Variants in REDIC1 observed in about 807,000 individuals in gnomAD.
REDIC1 encodes HEI10 Interacting Protein 1.
At chr12:39,821,928 T>C in the REDIC1 span, among the ~76,000 whole-genome samples, 491 of 152,288 alleles carry the variant, frequency 3.2e-3, 1 homozygote, top group African/African-American at 0.011. Context: ...TTAATTTTTT[T>C]ATTATTATAC....
At chr12:39,729,142 TC>T in the REDIC1 span, among the ~76,000 whole-genome samples, 1 of 152,168 alleles carries the variant, frequency 6.6e-6, no homozygotes, top group African/African-American at 2.4e-5. Flanking sequence ...GAAGGGTTTT[TC>T]ATGTCTCTAT....
chr12:39,810,254 A>G, the REDIC1 span, among the ~76,000 whole-genome samples: 1 of 152,170 alleles, frequency 6.6e-6, no homozygotes, highest in African/African-American at 2.4e-5. Flanking sequence ...TGATCCTGTT[A>G]TTTCTTGCTA....
At chr12:39,707,812 T>C in the REDIC1 span, among the ~76,000 whole-genome samples, 1 of 151,962 alleles carries the variant, frequency 6.6e-6, no homozygotes, top group Non-Finnish European at 1.5e-5. Flanking sequence ...TCAACTTGCC[T>C]AACTCCAGAA....
At chr12:39,711,815 G>GTGTACACATGCATGTGTATATGTGTGTA in the REDIC1 span, among the ~76,000 whole-genome samples, 2 of 87,550 alleles carry the variant, frequency 2.3e-5, no homozygotes, top group African/African-American at 7.4e-5. Flanking sequence ...GTGTATGTGT[G>GTGTACACATGCATGTGTATATGTGTGTA]TACACATGCA....
chr12:39,877,507 C>T, the REDIC1 span, among the ~76,000 whole-genome samples: 7 of 152,162 alleles, frequency 4.6e-5, no homozygotes, highest in Non-Finnish European at 4.4e-5. Context: ...CAAACCGTAT[C>T]AATAACTATC....
At chr12:39,827,923 C>G in the REDIC1 span, among the ~76,000 whole-genome samples, 2 of 152,022 alleles carry the variant, frequency 1.3e-5, no homozygotes, top group African/African-American at 2.4e-5. Flanking sequence ...GGATATATGG[C>G]TATGGATTGC....
the REDIC1 span, among the ~76,000 whole-genome samples, chr12:39,751,155 T>C: frequency 6.6e-6 from 1 of 152,188 alleles, no homozygotes; most frequent in African/African-American, 2.4e-5. Context: ...ATTTTTGCAA[T>C]CTACTCATCT....
chr12:39,864,375 G>A, the REDIC1 span, among the ~76,000 whole-genome samples: 1 of 152,202 alleles, frequency 6.6e-6, no homozygotes, highest in Non-Finnish European at 1.5e-5. Flanking sequence ...CAGAGGGCAT[G>A]TGCATCTTGT....
chr12:39,714,270 TA>T, the REDIC1 span, among the ~76,000 whole-genome samples: 2 of 118,054 alleles, frequency 1.7e-5, no homozygotes, highest in Non-Finnish European at 3.9e-5. Flanking sequence ...TGCATATATG[TA>T]TATATGTATA....
At chr12:39,714,069 A>ATATATATG in the REDIC1 span, among the ~76,000 whole-genome samples, 1 of 149,252 alleles carries the variant, frequency 6.7e-6, no homozygotes, top group Non-Finnish European at 1.5e-5. Flanking sequence ...GTATGTGTAT[A>ATATATATG]TACGTGTATA....
chr12:39,739,251 G>A, the REDIC1 span, among the ~76,000 whole-genome samples: 1 of 152,078 alleles, frequency 6.6e-6, no homozygotes, highest in Admixed American at 6.6e-5. Flanking sequence ...TACTTATAGA[G>A]GACCTACCAT....
At chr12:39,860,693 C>T in the REDIC1 span, among the ~76,000 whole-genome samples, 1 of 152,300 alleles carries the variant, frequency 6.6e-6, no homozygotes, top group South Asian at 2.1e-4. Flanking sequence ...ACTCCTTCCT[C>T]CTATGGCCAC....
At chr12:39,864,572 T>C in the REDIC1 span, among the ~76,000 whole-genome samples, 1 of 152,122 alleles carries the variant, frequency 6.6e-6, no homozygotes, top group Non-Finnish European at 1.5e-5. Flanking sequence ...TTCCTTACAC[T>C]CACACATCTG....
the REDIC1 span, among the ~76,000 whole-genome samples, chr12:39,697,946 A>G: frequency 6.6e-6 from 1 of 152,180 alleles, no homozygotes; most frequent in Admixed American, 6.5e-5. Flanking sequence ...AAGCTCTCCA[A>G]TCAAAAGATA....
the REDIC1 span, among the ~76,000 whole-genome samples, chr12:39,644,945 G>T: frequency 6.6e-6 from 1 of 151,854 alleles, no homozygotes; most frequent in African/African-American, 2.4e-5. Context: ...TTCTTGCCAG[G>T]TTTGATGAAA....
At chr12:39,680,124 T>G in the REDIC1 span, among the ~76,000 whole-genome samples, 1 of 151,818 alleles carries the variant, frequency 6.6e-6, no homozygotes, top group Non-Finnish European at 1.5e-5. Context: ...AAAACAAAAA[T>G]AAACAAATGG....
the REDIC1 span, among the ~76,000 whole-genome samples, chr12:39,838,269 C>T: frequency 2.7e-5 from 4 of 147,778 alleles, no homozygotes; most frequent in African/African-American, 1.0e-4. Flanking sequence ...CATATTCTCA[C>T]TCGTAGGTGG....
chr12:39,813,053 C>T, the REDIC1 span, among the ~76,000 whole-genome samples: 27 of 105,852 alleles, frequency 2.6e-4, no homozygotes, highest in South Asian at 9.9e-3. Flanking sequence ...CCATGTTGGC[C>T]ACGCTGGTCT....
chr12:39,755,322 A>AT, the REDIC1 span: 1 of 152,236 alleles, frequency 6.6e-6, no homozygotes, highest in Middle Eastern at 3.4e-3. Context: ...CTGAAGTATT[A>AT]AATACTATAT....
Sources: allele counts gnomAD v4.1 joint callset (sites outside exome capture counted in the v4.1 genomes callset), GRCh38; gene constraint gnomAD v4.1.1; transcripts MANE v1.5; gene names NCBI Gene and HGNC (gene_info 2026-07-23, HGNC 2026-07-21).